Variants in LAMA5 observed in about 807,000 individuals in gnomAD.
LAMA5 encodes laminin subunit alpha 5, also known as laminin subunit alpha-5.
A neutral mutation model predicts 433.4 loss-of-function variants in LAMA5; 260 were observed. The ratio of observed to expected loss-of-function variants is 0.60; its 90% CI spans 0.54 to 0.66. The LOEUF is 0.66. Ranked by LOEUF, LAMA5 falls within the 30% of genes least tolerant of loss-of-function variation. The probability of loss-of-function intolerance (pLI) is 0.00; values close to 1 mark genes in which losing one functional copy is unlikely to be tolerated. For synonymous variants in LAMA5, 2,620 were observed against 2,226.6 expected (o/e 1.18, Z -4.97); for missense variants, 5,378 against 5,258.5 (o/e 1.02, Z -0.70).
Position 62,318,878 on chromosome 20 carries a change from G to A in LAMA5, c.7007C>T (p.Ala2336Val). 6.8e-6 allele frequency: 11 copies of A among 1,609,144 alleles called. No individual in the cohort carries two copies. The highest frequency in any genetic ancestry group is 8.5e-6 in the Non-Finnish European group (10 of 1,179,138). The stretch of plus-strand genomic sequence containing the variant: ...TGCAGCCAACTCAGCCTCAGCTGCT[G>A]CCTGCGGGGCCCCCAGGTCCCGGGC... ...MRARDLGAPQAAAEAELAAAQ... is the reference protein window; with the variant it reads ...MRARDLGAPQVAAEAELAAAQ... The change falls in exon 52 of 80, where the codon GCA (alanine) becomes GTA (valine). Residue 2336 changes from alanine to valine, a missense_variant. By Grantham distance (64) the Ala-to-Val change is moderately conservative. Transcript: ENST00000252999.
chr20:62,334,314 G>T lies in LAMA5; in HGVS notation c.2611C>A (p.Leu871Met). The T allele has an allele frequency of 6.2e-7, 1 of 1,608,800 alleles. No homozygotes were observed. Among genetic ancestry groups the T allele is most frequent in the Non-Finnish European group, 8.5e-7 (1 of 1,178,232 alleles). ...EPARDHYLPD[L>M]HHLRLELEEA... Reference sequence around the variant, plus strand: ...TCCAGCTCCAGGCGCAGGTGGTGCAGGTCCGGGAGGTAGTGGTCCCTCGCA... The same window carrying T: ...TCCAGCTCCAGGCGCAGGTGGTGCATGTCCGGGAGGTAGTGGTCCCTCGCA... The change falls in exon 22 of 80, where the codon CTG becomes ATG. Residue 871 changes from leucine to methionine, a missense_variant. Transcript: ENST00000252999.
chr20:62,336,460 G>C lies in LAMA5; in HGVS notation c.2218-15C>G. ...GGAACCTGTGCCTGGGAGAGGACAA[G>C]ACTGCAGGTCAGAGCGGGCGCCCTG... On this transcript the variant is annotated splice_polypyrimidine_tract_variant and intron_variant, in intron 17 of 79. Coordinates refer to ENST00000252999, the MANE Select transcript of LAMA5 (RefSeq NM_005560.6). 1 of 1,605,238 alleles carries C rather than the reference G, an allele frequency of 6.2e-7. No homozygotes were observed. Among genetic ancestry groups the C allele is most frequent in the East Asian group, 2.2e-5 (1 of 44,832 alleles).
Position 62,319,762 on chromosome 20 carries a change from G to T in LAMA5, c.6793C>A (p.Leu2265Met). ...VGTRDQASQL[L>M]AGTEATLGHA... ...CCCAGTGTGGCCTCGGTGCCGGCCA[G>T]CAATTGGCTCGCCTGGTCTCGGGTC... Residue 2265 changes from leucine (L) to methionine (M), a missense_variant, in exon 51 of 80, where the codon CTG becomes ATG. Coordinates refer to ENST00000252999, the MANE Select transcript of LAMA5 (RefSeq NM_005560.6). The T allele has an allele frequency of 6.5e-7, 1 of 1,548,840 alleles. No homozygotes were observed.
rs769799202 is a variant in LAMA5 at position 62,333,560 on chromosome 20, T to C, written c.3021+4A>G. ...CCCAGCCCTCACTCTGGCCCCTGCC[T>C]CACCAGGAGCACCCCTTCGGCCTCC... On this transcript the variant is annotated splice_donor_region_variant and intron_variant, in intron 24 of 79. Transcript: ENST00000252999. 1 of 1,565,644 alleles carries C rather than the reference T, an allele frequency of 6.4e-7. No individual in the cohort carries two copies.
chr20:62,322,835 T>A, intron 45 of LAMA5, 77 bp from the exon 46 acceptor site: 1 of 919,848 alleles, frequency 1.1e-6, no homozygotes, highest in Non-Finnish European at 1.6e-6. Flanking sequence ...TCCTAAGCCC[T>A]CACTTCACTG....
Position 62,367,015 on chromosome 20 carries a change from G to A in LAMA5, c.231C>T (p.Thr77=), listed in dbSNP as rs771723775. Residue 77 remains threonine, a synonymous_variant, in exon 1 of 80, where the codon ACC becomes ACT. Coordinates refer to ENST00000252999, the MANE Select transcript of LAMA5 (RefSeq NM_005560.6). ...CTACCAGCTTGCAGTAAAGGTCCTC[G>A]GTGGGGCGCGGGGAGCCGCGCGCCG... is the stretch of plus-strand genomic sequence containing the variant. ...EAPARGSPRP[T]EDLYCKLVGG... 3.9e-6 allele frequency: 5 copies of A among 1,275,274 alleles called. No individual in the cohort carries two copies. The highest frequency in any genetic ancestry group is 4.9e-6 in the Non-Finnish European group (5 of 1,013,068). The allele number at this position is 1,275,274 out of a possible 1,614,324, so 79.0% of individuals were successfully genotyped here. A position where few individuals can be genotyped will look rare whatever the true frequency, so the allele number is the denominator to read the frequency against.
chr20:62,366,992 A>G lies in LAMA5; in HGVS notation c.254T>C (p.Val85Ala), dbSNP rs1986804920. The change falls in exon 1 of 80, where the codon GTA (valine) becomes GCA (alanine). Residue 85 changes from valine to alanine, a missense_variant. Val to Ala is a moderately conservative substitution (Grantham distance 64). Coordinates refer to ENST00000252999, the MANE Select transcript of LAMA5 (RefSeq NM_005560.6). ...RPTEDLYCKL[V>A]GGPVAGGDPN... ...GTCGCCGCCGGCCACGGGGCCCCCT[A>G]CCAGCTTGCAGTAAAGGTCCTCGGT... The G allele has an allele frequency of 7.8e-7, 1 of 1,278,284 alleles. No homozygotes were observed. Among genetic ancestry groups the G allele is most frequent in the Non-Finnish European group, 9.9e-7 (1 of 1,013,386 alleles). The allele number at this position is 1,278,284 out of a possible 1,614,324, so 79.2% of individuals were successfully genotyped here.
rs137986729 is a variant in LAMA5 at position 62,327,984 on chromosome 20, C to T, written c.4679G>A (p.Arg1560His). Residue 1560 changes from arginine (R) to histidine (H), a missense_variant, in exon 36 of 80, where the codon CGC becomes CAC. Physicochemically the swap from Arg to His is conservative, Grantham distance 29. Transcript: ENST00000252999. ...GAAGCCCGGAGAGCAGGTATCACAG[C>T]GGCGCCCAGTCACGTTGGGTCTGCA... ...CKCRPNVTGR[R>H]CDTCSPGFHG... The T allele has an allele frequency of 1.9e-4, 302 of 1,612,148 alleles. 1 individual carries two copies. In the Middle Eastern group the frequency reaches 1.9e-3, roughly 10 times the overall value.
At chr20:62,355,936 C>A (rs1985150733) in intron 2 of LAMA5, among the ~76,000 whole-genome samples, 1 of 152,322 alleles carries the variant, frequency 6.6e-6, no homozygotes, top group Non-Finnish European at 1.5e-5. Flanking sequence ...CGACTGAGCC[C>A]CCTGGGAGCC....
Position 62,333,225 on chromosome 20 carries a change from G to A in LAMA5, c.3147C>T (p.His1049=). The part of the protein sequence containing the change: ...QSGDNCLLYT[H]LPLDGFPSAA... ...CCGAGGGGAAGCCATCCAGGGGGAG[G>A]TGTGTGTAGAGGAGGCAGCTGGGGG... The change falls in exon 26 of 80, where the codon CAC becomes CAT. Residue 1049 remains histidine, a synonymous_variant. Coordinates refer to ENST00000252999, the MANE Select transcript of LAMA5 (RefSeq NM_005560.6). 1 of 1,534,890 alleles carries A rather than the reference G, an allele frequency of 6.5e-7. No homozygotes were observed. The highest frequency in any genetic ancestry group is 8.8e-7 in the Non-Finnish European group (1 of 1,139,346).
In LAMA5 at chr20:62,315,290, G is replaced by C; in HGVS notation, c.7868-83C>G. On this transcript the variant is annotated intron_variant, in intron 58 of 79. Transcript: ENST00000252999. Reference sequence around the variant, plus strand: ...GTCCCCAAGTCTTTCTGTTGGGCCAGCAACAGGGACATCCAACCCCCTATG... The same window carrying C: ...GTCCCCAAGTCTTTCTGTTGGGCCACCAACAGGGACATCCAACCCCCTATG... 2.5e-6 allele frequency: 3 copies of C among 1,207,874 alleles called. No individual in the cohort carries two copies. In the African/African-American group the frequency reaches 4.5e-5, roughly 18 times the overall value. 74.8% of individuals were successfully genotyped at this position (1,207,874 alleles called of 1,614,324 possible).
At chr20:62,346,342 G>A in intron 9 of LAMA5, 127 bp from the exon 10 acceptor site, 1 of 1,399,472 alleles carries the variant, frequency 7.1e-7, no homozygotes, top group Non-Finnish European at 9.7e-7. Context: ...GGCCCCCTGG[G>A]GGGACATGAG....
At chr20:62,346,012 AC>A (rs1362367119) in intron 10 of LAMA5, 68 bp downstream of exon 10, 6 of 1,601,058 alleles carry the variant, frequency 3.7e-6, no homozygotes, top group Non-Finnish European at 4.3e-6. Context: ...GAACCCCTCC[AC>A]CCCCTGCAGG....
chr20:62,351,740 T>C lies in LAMA5; in HGVS notation c.920A>G (p.Asp307Gly). Residue 307 changes from aspartate to glycine, a missense_variant, in exon 6 of 80, where the codon GAT (aspartate) becomes GGT (glycine). By Grantham distance (94) the Asp-to-Gly change is moderately conservative. Transcript: ENST00000252999. The part of the protein sequence containing the change: ...GGRCVCHGHA[D>G]ACDAKDPTDP... ...CGTGGGGTCTTTGGCATCGCAGGCA[T>C]CCGCGTGGCCGTGGCAGACACAGCG... 1 of 1,612,070 alleles carries C rather than the reference T, an allele frequency of 6.2e-7. No individual in the cohort carries two copies. The highest frequency in any genetic ancestry group is 8.5e-7 in the Non-Finnish European group (1 of 1,179,862).
At chr20:62,343,577 A>G (rs917978902) in intron 11 of LAMA5, among the ~76,000 whole-genome samples, 1 of 152,078 alleles carries the variant, frequency 6.6e-6, no homozygotes, top group African/African-American at 2.4e-5. Flanking sequence ...GGAGTTCGAG[A>G]CCAGCCTGAC....
rs767437552 is a variant in LAMA5, at chr20:62,309,300, GCAGGGGCCTGAC to G, written c.*24_*35del. The G allele has an allele frequency of 5.7e-6, 9 of 1,584,776 alleles. No homozygotes were observed. In the East Asian group the frequency reaches 6.7e-5, roughly 12 times the overall value. ...GCACAAGGGGCGGTGTGAGGCAGCT[GCAGGGGCCTGAC>G]CAGGGGCCGGGGTTGGCTGTGTCCT... On this transcript the variant is annotated 3_prime_UTR_variant, in exon 80 of 80. Coordinates refer to ENST00000252999, the MANE Select transcript of LAMA5 (RefSeq NM_005560.6).
At chr20:62,356,834 C>T (rs1985310835) in intron 2 of LAMA5, among the ~76,000 whole-genome samples, 1 of 152,252 alleles carries the variant, frequency 6.6e-6, no homozygotes, top group African/African-American at 2.4e-5. Flanking sequence ...GGTTTGAGCG[C>T]CCTGGGAGGG....
Position 62,338,146 on chromosome 20 carries a change from A to C in LAMA5, c.1761T>G (p.Cys587Trp), listed in dbSNP as rs1398176135. Residue 587 changes from cysteine (C) to tryptophan (W), a missense_variant, in exon 14 of 80, where the codon TGT (cysteine) becomes TGG (tryptophan). Transcript: ENST00000252999. ...GCAAGGTTCCTGCAGGGCTGCAGCC[A>C]CACACTGCAGAGCGGAGCGGGTGTC... ...GYFHFPLCQL[C>W]GCSPAGTLPE... The C allele has an allele frequency of 6.3e-7, 1 of 1,583,788 alleles. No individual in the cohort carries two copies. Among genetic ancestry groups the C allele is most frequent in the African/African-American group, 1.3e-5 (1 of 74,342 alleles).
rs374021648 is a variant in LAMA5, at chr20:62,351,745, G to A, written c.915C>T (p.His305=). 1.7e-5 allele frequency: 28 copies of A among 1,611,884 alleles called. No individual in the cohort carries two copies. The highest frequency in any genetic ancestry group is 5.3e-5 in the African/African-American group (4 of 74,918). The change falls in exon 6 of 80, where the codon CAC becomes CAT. Residue 305 remains histidine, a synonymous_variant. Coordinates refer to ENST00000252999, the MANE Select transcript of LAMA5 (RefSeq NM_005560.6). ...GGTCTTTGGCATCGCAGGCATCCGC[G>A]TGGCCGTGGCAGACACAGCGGCCTC... ...SIGGRCVCHG[H]ADACDAKDPT... is the part of the protein sequence containing the mutation.
Sources: gnomAD v4.1 joint callset for allele counts (sites outside exome capture counted in the v4.1 genomes callset) on GRCh38, gnomAD v4.1.1 for gene constraint, MANE v1.5 for transcripts, NCBI Gene and HGNC (gene_info 2026-07-23, HGNC 2026-07-21) for gene names.